Variants in PPFIA2 observed in about 807,000 individuals in gnomAD.
PPFIA2 encodes the protein PPFI scaffold protein A2.
PPFIA2 carries 46 observed loss-of-function variants against 175.5 expected under a neutral mutation model. The observed-to-expected ratio is 0.26, with a 90% CI of 0.21 to 0.34. PPFIA2 has a LOEUF of 0.34. Ranked by LOEUF, PPFIA2 falls within the 10% of genes least tolerant of loss-of-function variation. PPFIA2 has a pLI of 1.00. For synonymous variants in PPFIA2, 568 were observed against 511.4 expected, an observed-to-expected ratio of 1.11 and a Z score of -1.49; for missense variants, 1,179 against 1,506.1, an observed-to-expected ratio of 0.78 and a Z score of 3.60.
At chr12:81,724,754 A>G (rs888410408) in intron 3 of PPFIA2, among the ~76,000 whole-genome samples, 3 of 151,044 alleles carry the variant, frequency 2.0e-5, no homozygotes, top group South Asian at 4.1e-4. Context: ...GATTCATTCC[A>G]TATCTCTGCT....
At chr12:81,288,764 T>C (rs1313514453) in intron 24 of PPFIA2, among the ~76,000 whole-genome samples, 1 of 151,752 alleles carries the variant, frequency 6.6e-6, no homozygotes, top group African/African-American at 2.4e-5. Context: ...CATTTCTCCC[T>C]TATCTGAATT....
At chr12:81,281,183 GT>G in intron 27 of PPFIA2, 73 bp downstream of exon 27, 1 of 1,166,556 alleles carries the variant, frequency 8.6e-7, no homozygotes, top group Non-Finnish European at 1.2e-6. Context: ...GTCCATTTTT[GT>G]TTTACTAAAG....
intron 3 of PPFIA2, among the ~76,000 whole-genome samples, chr12:81,732,774 C>T (rs1402190497): frequency 6.6e-6 from 1 of 151,460 alleles, no homozygotes; most frequent in African/African-American, 2.4e-5. Flanking sequence ...AGAATAGCAT[C>T]TTTCTCTTAG....
intron 29 of PPFIA2, chr12:81,267,341 G>T: frequency 2.5e-6 from 1 of 398,160 alleles, no homozygotes; most frequent in Non-Finnish European, 4.8e-6. Flanking sequence ...AATAAAAAGT[G>T]AAACGAGACT....
intron 24 of PPFIA2, 193 bp from the exon 25 acceptor site, chr12:81,284,496 C>A: frequency 1.9e-6 from 1 of 537,664 alleles, no homozygotes; most frequent in South Asian, 2.7e-5. Context: ...AAAAGATTAA[C>A]TAGAAAGAGG....
At chr12:81,480,615 A>C (rs1200787779) in intron 4 of PPFIA2, among the ~76,000 whole-genome samples, 1 of 151,894 alleles carries the variant, frequency 6.6e-6, no homozygotes, top group East Asian at 1.9e-4. Flanking sequence ...CTTTTTGTTG[A>C]TGTTGATGCT....
At chr12:81,606,527 T>G (rs1220881841) in intron 4 of PPFIA2, among the ~76,000 whole-genome samples, 1 of 152,136 alleles carries the variant, frequency 6.6e-6, no homozygotes, top group African/African-American at 2.4e-5. Context: ...TGGTGTGAGA[T>G]AGTATCTCAT....
At position 81,266,976 on chromosome 12, in the gene PPFIA2, C is replaced by A. The variant is rs1444550913; in HGVS notation, c.3531G>T (p.Leu1177=). The change falls in exon 30 of 33, where the codon CTG becomes CTT. Residue 1177 remains leucine (L), a synonymous_variant. Coordinates refer to ENST00000549396, the MANE Select transcript of PPFIA2 (RefSeq NM_003625.5). ...CTTCATCCAGTCGCCTTTCAGTTCC[C>A]AGGGCCAAGAGGTTATTGTATTCTC... is the stretch of plus-strand genomic sequence containing the variant. ...LEREYNNLLA[L]GTERRLDESD... is the part of the protein sequence containing the mutation. The A allele has an allele frequency of 2.5e-6, 4 of 1,612,998 alleles. No homozygotes were observed. The highest frequency in any genetic ancestry group is 3.4e-6 in the Non-Finnish European group (4 of 1,179,430).
intron 8 of PPFIA2, among the ~76,000 whole-genome samples, chr12:81,394,268 G>A (rs2040680317): frequency 6.6e-6 from 1 of 152,080 alleles, no homozygotes; most frequent in Non-Finnish European, 1.5e-5. Flanking sequence ...CAGACTTACT[G>A]TTACTTGGAT....
At chr12:81,584,795 AAT>A (rs1260027707) in intron 4 of PPFIA2, among the ~76,000 whole-genome samples, 17 of 133,556 alleles carry the variant, frequency 1.3e-4, no homozygotes, top group Admixed American at 3.6e-4. Context: ...CATTATATAT[AAT>A]ATATATATTT....
intron 7 of PPFIA2, among the ~76,000 whole-genome samples, chr12:81,439,128 T>C (rs1402291049): frequency 3.3e-5 from 5 of 151,254 alleles, no homozygotes; most frequent in African/African-American, 1.2e-4. Context: ...ACTATTTTAA[T>C]GGCTGACACA....
intron 7 of PPFIA2, among the ~76,000 whole-genome samples, chr12:81,421,332 T>A (rs1428840742): frequency 6.6e-6 from 1 of 152,022 alleles, no homozygotes; most frequent in Admixed American, 6.6e-5. Context: ...AGGTTAGAGA[T>A]ACAAAATTGT....
At chr12:81,438,197 C>G (rs550313590) in intron 7 of PPFIA2, among the ~76,000 whole-genome samples, 1 of 152,002 alleles carries the variant, frequency 6.6e-6, no homozygotes, top group Non-Finnish European at 1.5e-5. Context: ...TGGCTGGGCG[C>G]GGTGGCTCAC....
At chr12:81,486,093 A>G (rs1221657673) in intron 4 of PPFIA2, among the ~76,000 whole-genome samples, 1 of 151,912 alleles carries the variant, frequency 6.6e-6, no homozygotes, top group Non-Finnish European at 1.5e-5. Flanking sequence ...TGTAACACAT[A>G]GGATTAATAG....
chr12:81,492,573 A>T (rs1167203017), intron 4 of PPFIA2, among the ~76,000 whole-genome samples: 1 of 152,072 alleles, frequency 6.6e-6, no homozygotes, highest in Non-Finnish European at 1.5e-5. Flanking sequence ...AGGCCTAAAG[A>T]CAGCAAGGGA....
At chr12:81,594,173 G>A (rs750200150) in intron 4 of PPFIA2, among the ~76,000 whole-genome samples, 5 of 151,930 alleles carry the variant, frequency 3.3e-5, no homozygotes, top group African/African-American at 4.8e-5. Flanking sequence ...ATCCCTTCCC[G>A]TCCCCCTCTC....
At position 81,402,661 on chromosome 12, in the gene PPFIA2, C is replaced by T. The variant is rs149411779; in HGVS notation, c.762+3126G>A. Among the ~76,000 whole-genome samples the T allele has an allele frequency of 4.9e-4, 75 of 152,162 alleles. No individual in the cohort carries two copies. In the East Asian group the frequency reaches 0.014, roughly 28 times the overall value. The stretch of plus-strand genomic sequence containing the variant: ...TTGAGCTCAGGAGTTCAAGACCAGC[C>T]TGGTCAACATGATGAAACTCTGTCT... On this transcript the variant is annotated intron_variant, in intron 8 of 32. Transcript: ENST00000549396.
chr12:81,604,188 G>A (rs2060064545), intron 4 of PPFIA2, among the ~76,000 whole-genome samples: 1 of 151,668 alleles, frequency 6.6e-6, no homozygotes, highest in South Asian at 2.1e-4. Flanking sequence ...GGTGACCATG[G>A]CAAAAGCAGG....
At chr12:81,468,411 C>A (rs2056126486) in intron 4 of PPFIA2, among the ~76,000 whole-genome samples, 2 of 152,156 alleles carry the variant, frequency 1.3e-5, no homozygotes, top group African/African-American at 4.8e-5. Flanking sequence ...TGAGTCATTG[C>A]CAACCAAAAA....
Sources: allele counts gnomAD v4.1 joint callset (sites outside exome capture counted in the v4.1 genomes callset), GRCh38; gene constraint gnomAD v4.1.1; transcripts MANE v1.5; gene names NCBI Gene and HGNC (gene_info 2026-07-23, HGNC 2026-07-21).